The following HS6ST3 variants were observed in gnomAD, a reference collection of about 807,000 sequenced individuals.
HS6ST3 encodes heparan-sulfate 6-O-sulfotransferase 3.
A neutral mutation model predicts 36.7 loss-of-function variants in HS6ST3; 12 were observed. The observed-to-expected ratio is 0.33, with a 90% CI of 0.21 to 0.53. The LOEUF (loss-of-function observed/expected upper bound fraction) is 0.53. HS6ST3 is among the 20% of genes least tolerant of loss of function. The pLI, the probability that HS6ST3 is intolerant of heterozygous loss-of-function variation, is 0.95. For synonymous variants in HS6ST3, 240 were observed against 257.5 expected (o/e 0.93, Z 0.65); for missense variants, 584 against 640.9 (o/e 0.91, Z 0.96).
At chr13:96,594,082 C>G (rs746334238) in intron 1 of HS6ST3, among the ~76,000 whole-genome samples, 1 of 151,974 alleles carries the variant, frequency 6.6e-6, no homozygotes, top group Non-Finnish European at 1.5e-5. Flanking sequence ...AAGCAATTCT[C>G]CTGCCTCAGC....
At chr13:96,426,388 T>C (rs2055587396) in intron 1 of HS6ST3, among the ~76,000 whole-genome samples, 1 of 152,238 alleles carries the variant, frequency 6.6e-6, no homozygotes, top group Non-Finnish European at 1.5e-5. Flanking sequence ...CTTGCATGGC[T>C]GACAATTCAG....
intron 1 of HS6ST3, among the ~76,000 whole-genome samples, chr13:96,361,511 C>G (rs1159144511): frequency 6.6e-6 from 1 of 152,194 alleles, no homozygotes; most frequent in African/African-American, 2.4e-5. Context: ...TAACACTTAA[C>G]TAGATTCTTC....
chr13:96,696,705 C>T (rs1566432068), intron 1 of HS6ST3, among the ~76,000 whole-genome samples: 1 of 152,024 alleles, frequency 6.6e-6, no homozygotes, highest in Admixed American at 6.6e-5. Flanking sequence ...TATACTTGAG[C>T]AAAAACATGG....
intron 1 of HS6ST3, among the ~76,000 whole-genome samples, chr13:96,318,123 C>T (rs968476366): frequency 2.0e-5 from 3 of 152,044 alleles, no homozygotes; most frequent in African/African-American, 7.2e-5. Flanking sequence ...AATTATTTTC[C>T]AAGGCTGATG....
At chr13:96,132,619 T>G (rs1461551251) in intron 1 of HS6ST3, among the ~76,000 whole-genome samples, 1 of 152,116 alleles carries the variant, frequency 6.6e-6, no homozygotes, top group Non-Finnish European at 1.5e-5. Context: ...TTGCCCAGGC[T>G]GGTCTTGAAT....
chr13:96,708,338 A>G (rs1412037488), intron 1 of HS6ST3, among the ~76,000 whole-genome samples: 1 of 152,232 alleles, frequency 6.6e-6, no homozygotes, highest in Non-Finnish European at 1.5e-5. Flanking sequence ...TTCTATCTAG[A>G]GCATATAAGA....
chr13:96,547,587 A>G (rs1005341559), intron 1 of HS6ST3, among the ~76,000 whole-genome samples: 6 of 152,198 alleles, frequency 3.9e-5, no homozygotes, highest in Admixed American at 1.3e-4. Context: ...CTTACAAAGA[A>G]AGAGAGAGAG....
chr13:96,488,377 T>C (rs1445425704), intron 1 of HS6ST3, among the ~76,000 whole-genome samples: 1 of 152,158 alleles, frequency 6.6e-6, no homozygotes, highest in African/African-American at 2.4e-5. Context: ...ATGAAAGCTT[T>C]AAATTAATAA....
At chr13:96,393,849 A>G (rs1233799585) in intron 1 of HS6ST3, among the ~76,000 whole-genome samples, 1 of 152,168 alleles carries the variant, frequency 6.6e-6, no homozygotes, top group Non-Finnish European at 1.5e-5. Context: ...GGGTGGGGTG[A>G]GGAAACTGAG....
chr13:96,587,488 G>A (rs538453077), intron 1 of HS6ST3, among the ~76,000 whole-genome samples: 5 of 152,306 alleles, frequency 3.3e-5, no homozygotes, highest in African/African-American at 9.6e-5. Flanking sequence ...TGCAGACAGG[G>A]AAGTTCAAGG....
chr13:96,694,003 T>C (rs1594837997), intron 1 of HS6ST3, among the ~76,000 whole-genome samples: 1 of 152,204 alleles, frequency 6.6e-6, no homozygotes, highest in Non-Finnish European at 1.5e-5. Context: ...GTTTCCCGTC[T>C]ATAGTTTTAC....
At chr13:96,606,039 T>C (rs995974745) in intron 1 of HS6ST3, among the ~76,000 whole-genome samples, 3 of 152,086 alleles carry the variant, frequency 2.0e-5, no homozygotes, top group Non-Finnish European at 2.9e-5. Flanking sequence ...TCTCATACCA[T>C]GCAGAATGGC....
intron 1 of HS6ST3, among the ~76,000 whole-genome samples, chr13:96,418,422 G>A (rs1256364397): frequency 6.6e-6 from 1 of 152,206 alleles, no homozygotes; most frequent in Non-Finnish European, 1.5e-5. Context: ...TATGATATAT[G>A]TTAAATTGTG....
intron 1 of HS6ST3, among the ~76,000 whole-genome samples, chr13:96,604,615 C>T (rs1278870604): frequency 1.3e-5 from 2 of 152,014 alleles, no homozygotes; most frequent in Non-Finnish European, 2.9e-5. Context: ...AGTTCTTTAA[C>T]AATAATGTAA....
chr13:96,547,790 G>A (rs1370282948), intron 1 of HS6ST3, among the ~76,000 whole-genome samples: 1 of 152,120 alleles, frequency 6.6e-6, no homozygotes, highest in African/African-American at 2.4e-5. Flanking sequence ...GAAGGTTCCA[G>A]TTTTAGTGCT....
rs185548167 is a variant in HS6ST3 at position 96,826,437 on chromosome 13, G to T, written c.708-6053G>T. 2.0e-5 allele frequency among the ~76,000 whole-genome samples: 3 copies of T among 152,220 alleles called. No homozygotes were observed. The South Asian group carries it at 6.2e-4, about 32-fold the overall frequency. Reference sequence around the variant, plus strand: ...TAGCAATTTTTTTTTAATATCTGCTGTGAGTAGGCCTCTGTAGTAGGTGCT... The same window carrying T: ...TAGCAATTTTTTTTTAATATCTGCTTTGAGTAGGCCTCTGTAGTAGGTGCT... On this transcript the variant is annotated intron_variant, in intron 1 of 1. Coordinates refer to ENST00000376705, the MANE Select transcript of HS6ST3 (RefSeq NM_153456.4).
At chr13:96,751,396 C>T (rs1287675320) in intron 1 of HS6ST3, among the ~76,000 whole-genome samples, 2 of 152,044 alleles carry the variant, frequency 1.3e-5, no homozygotes, top group African/African-American at 2.4e-5. Flanking sequence ...GCCATAAGCC[C>T]AGGAATCCTG....
chr13:96,760,446 T>C (rs967946823), intron 1 of HS6ST3, among the ~76,000 whole-genome samples: 1 of 152,088 alleles, frequency 6.6e-6, no homozygotes, highest in Non-Finnish European at 1.5e-5. Context: ...AGGCACATGA[T>C]TGTGCATTGT....
intron 1 of HS6ST3, among the ~76,000 whole-genome samples, chr13:96,595,591 A>G (rs2056398563): frequency 6.6e-6 from 1 of 151,960 alleles, no homozygotes; most frequent in South Asian, 2.1e-4. Context: ...AGGTTTGGAA[A>G]GTCTTCTGCT....
Sources: gnomAD v4.1 joint callset for allele counts (sites outside exome capture counted in the v4.1 genomes callset) on GRCh38, gnomAD v4.1.1 for gene constraint, MANE v1.5 for transcripts, NCBI Gene and HGNC (gene_info 2026-07-23, HGNC 2026-07-21) for gene names.